Variants in SNTG2 observed in about 807,000 individuals in gnomAD.
SNTG2 encodes the protein gamma-2-syntrophin.
A neutral mutation model predicts 70.9 loss-of-function variants in SNTG2; 74 were observed. The observed-to-expected ratio is 1.04, with a 90% CI of 0.86 to 1.27. The LOEUF (loss-of-function observed/expected upper bound fraction) is 1.27, where lower values mean the gene tolerates loss of function less well. SNTG2 is among the 50% of genes most tolerant of loss of function. The pLI, the probability that SNTG2 is intolerant of heterozygous loss-of-function variation, is 0.00. For synonymous variants in SNTG2, 278 were observed against 273.8 expected, an observed-to-expected ratio of 1.02 and a Z score of -0.15; for missense variants, 717 against 690.7, an observed-to-expected ratio of 1.04 and a Z score of -0.43.
chr2:1,063,828 C>T (rs62105937), intron 1 of SNTG2, among the ~76,000 whole-genome samples: 24,877 of 151,894 alleles, frequency 0.16, 2,152 homozygotes, highest in East Asian at 0.21. Context: ...TAGCAGAGTC[C>T]GACTTAAGTA....
intron 14 of SNTG2, among the ~76,000 whole-genome samples, chr2:1,307,463 GAGAGAGAGA>G (rs1421038652): frequency 4.0e-5 from 6 of 150,896 alleles, no homozygotes; most frequent in African/African-American, 1.2e-4. Flanking sequence ...GTGTGTATGC[GAGAGAGAGA>G]AGAGAGAGAA....
intron 9 of SNTG2, among the ~76,000 whole-genome samples, chr2:1,232,265 G>C (rs1194248347): frequency 6.6e-6 from 1 of 152,134 alleles, no homozygotes; most frequent in East Asian, 1.9e-4. Context: ...TTTGTCTCGA[G>C]TGAACACTTT....
At chr2:1,093,637 G>C (rs1053827157) in intron 2 of SNTG2, among the ~76,000 whole-genome samples, 6 of 152,260 alleles carry the variant, frequency 3.9e-5, no homozygotes, top group African/African-American at 1.4e-4. Context: ...TTGACACACT[G>C]AAGTCCTGGT....
intron 7 of SNTG2, among the ~76,000 whole-genome samples, chr2:1,172,472 C>T (rs937787756): frequency 1.3e-5 from 2 of 152,188 alleles, no homozygotes. Context: ...CAGCCTTTCT[C>T]CCTGAGCTGT....
chr2:1,016,402 G>T (rs1659892616), intron 1 of SNTG2, among the ~76,000 whole-genome samples: 1 of 152,164 alleles, frequency 6.6e-6, no homozygotes, highest in South Asian at 2.1e-4. Flanking sequence ...CCACGTGCCT[G>T]GCTAATTTTT....
intron 16 of SNTG2, among the ~76,000 whole-genome samples, chr2:1,317,299 C>A (rs1163440846): frequency 1.1e-5 from 1 of 92,622 alleles, no homozygotes; most frequent in African/African-American, 4.1e-5. Flanking sequence ...GGTTGGGATT[C>A]TGGAGCATTT....
At chr2:982,579 A>G (rs1184005847) in intron 1 of SNTG2, among the ~76,000 whole-genome samples, 1 of 152,200 alleles carries the variant, frequency 6.6e-6, no homozygotes, top group African/African-American at 2.4e-5. Flanking sequence ...TGTGATTCCA[A>G]TCAAAAACAT....
At chr2:1,118,171 C>G (rs1416198089) in intron 4 of SNTG2, among the ~76,000 whole-genome samples, 1 of 152,156 alleles carries the variant, frequency 6.6e-6, no homozygotes, top group Non-Finnish European at 1.5e-5. Flanking sequence ...CACGTCACCC[C>G]AGGGCCCTGG....
intron 1 of SNTG2, among the ~76,000 whole-genome samples, chr2:977,193 A>G (rs910914541): frequency 2.6e-5 from 4 of 152,236 alleles, no homozygotes; most frequent in African/African-American, 7.2e-5. Context: ...AGTATATATA[A>G]TCCAGAGACA....
At chr2:1,255,396 G>A (rs1372290543) in intron 12 of SNTG2, among the ~76,000 whole-genome samples, 2 of 152,040 alleles carry the variant, frequency 1.3e-5, no homozygotes, top group East Asian at 3.9e-4. Flanking sequence ...GAATCACCTG[G>A]GAATACTTCT....
At chr2:1,222,318 C>G (rs1446969738) in intron 9 of SNTG2, among the ~76,000 whole-genome samples, 1 of 152,260 alleles carries the variant, frequency 6.6e-6, no homozygotes, top group Non-Finnish European at 1.5e-5. Context: ...ACATTAAGAT[C>G]TTTTCTTCGT....
At chr2:1,064,450 A>T (rs1234982300) in intron 1 of SNTG2, among the ~76,000 whole-genome samples, 2 of 150,740 alleles carry the variant, frequency 1.3e-5, no homozygotes, top group African/African-American at 4.9e-5. Flanking sequence ...TATATACTGA[A>T]ATATAATTTT....
intron 14 of SNTG2, among the ~76,000 whole-genome samples, chr2:1,289,801 A>T (rs1262128707): frequency 3.9e-5 from 6 of 151,926 alleles, no homozygotes; most frequent in Admixed American, 1.3e-4. Context: ...CCGTGCTCCA[A>T]CCCCAGCCCA....
intron 1 of SNTG2, among the ~76,000 whole-genome samples, chr2:1,083,037 C>T (rs1664438439): frequency 6.6e-6 from 1 of 152,182 alleles, no homozygotes. Flanking sequence ...CCCACCTGCT[C>T]CCTTCTGAGA....
intron 1 of SNTG2, among the ~76,000 whole-genome samples, chr2:1,004,511 C>G (rs920996029): frequency 2.6e-5 from 4 of 152,216 alleles, no homozygotes; most frequent in African/African-American, 9.6e-5. Context: ...GGGCAAAACG[C>G]TTGAACAGAC....
intron 14 of SNTG2, among the ~76,000 whole-genome samples, chr2:1,283,842 G>A (rs2148211683): frequency 6.6e-6 from 1 of 152,230 alleles, no homozygotes; most frequent in East Asian, 1.9e-4. Flanking sequence ...AACTACCTGG[G>A]GAATAAACAG....
At chr2:971,119 A>T (rs994253652) in intron 1 of SNTG2, among the ~76,000 whole-genome samples, 14 of 152,178 alleles carry the variant, frequency 9.2e-5, no homozygotes, top group African/African-American at 2.9e-4. Context: ...TTTTTTGGTT[A>T]TGTCTGTTGG....
rs918528651 is a variant in SNTG2, at chr2:1,205,846, A to G, written c.592-3257A>G. ...TCTTATAATAACTGTGGCATCTCAT[A>G]GTAAATGCCGTGTGAGTTGGTTGGT... On this transcript the variant is annotated intron_variant, in intron 8 of 16. Coordinates refer to ENST00000308624, the MANE Select transcript of SNTG2 (RefSeq NM_018968.4). 3.3e-5 allele frequency among the ~76,000 whole-genome samples: 5 copies of G among 152,208 alleles called. No homozygotes were observed. In the East Asian group the frequency reaches 9.6e-4, roughly 29 times the overall value.
At chr2:1,198,285 A>G (rs1277554878) in intron 8 of SNTG2, among the ~76,000 whole-genome samples, 1 of 152,112 alleles carries the variant, frequency 6.6e-6, no homozygotes, top group Non-Finnish European at 1.5e-5. Flanking sequence ...AGAAGGAGGT[A>G]AAAAACATTA....
Sources: gnomAD v4.1 joint callset for allele counts (sites outside exome capture counted in the v4.1 genomes callset) on GRCh38, gnomAD v4.1.1 for gene constraint, MANE v1.5 for transcripts, NCBI Gene and HGNC (gene_info 2026-07-23, HGNC 2026-07-21) for gene names.